Variants in ROBO1 observed in about 807,000 individuals in gnomAD.
The protein encoded by ROBO1 is roundabout guidance receptor 1.
Under a neutral mutation model 195.9 loss-of-function variants are expected in ROBO1, and 149 were observed. That is an observed-to-expected ratio of 0.76 (90% CI 0.67 to 0.87). The LOEUF (loss-of-function observed/expected upper bound fraction) is 0.87. Ranked by LOEUF, ROBO1 falls within the 40% of genes least tolerant of loss-of-function variation. The pLI is 0.00. For missense variants in ROBO1, 1,933 were observed against 2,068.3 expected, an observed-to-expected ratio of 0.93 and a Z score of 1.27; for synonymous variants, 816 against 733.2, an observed-to-expected ratio of 1.11 and a Z score of -1.82.
intron 1 of ROBO1, among the ~76,000 whole-genome samples, chr3:79,592,051 G>A (rs1944014278): frequency 6.6e-6 from 1 of 151,912 alleles, no homozygotes; most frequent in Non-Finnish European, 1.5e-5. Flanking sequence ...AATTTAGAAG[G>A]ATTATATTTG....
intron 3 of ROBO1, among the ~76,000 whole-genome samples, chr3:79,050,675 C>G (rs2078679534): frequency 6.6e-6 from 1 of 152,146 alleles, no homozygotes; most frequent in Non-Finnish European, 1.5e-5. Context: ...CACTCCTCAG[C>G]AATTGTAAAA....
In ROBO1 at chr3:79,272,287, T is replaced by C. The variant is rs545236231; in HGVS notation, c.89-146748A>G. On this transcript the variant is annotated intron_variant, in intron 2 of 30. Coordinates refer to ENST00000464233, the MANE Select transcript of ROBO1 (RefSeq NM_002941.4). ...GGAAGTAATGAGTATAGTTCTATTATTACTTAAAGATTAGGCATAATATGC... is the reference window on the plus strand; with the variant it reads ...GGAAGTAATGAGTATAGTTCTATTACTACTTAAAGATTAGGCATAATATGC... Among the ~76,000 whole-genome samples the C allele has an allele frequency of 2.0e-5, 3 of 152,114 alleles. No homozygotes were observed. In the East Asian group the frequency reaches 5.8e-4, roughly 29 times the overall value.
At chr3:78,729,392 T>G (rs1049824419) in intron 5 of ROBO1, among the ~76,000 whole-genome samples, 6 of 152,194 alleles carry the variant, frequency 3.9e-5, no homozygotes, top group Non-Finnish European at 8.8e-5. Flanking sequence ...CTAATTTTAA[T>G]AAGTAATAAT....
intron 1 of ROBO1, among the ~76,000 whole-genome samples, chr3:79,744,856 T>C (rs948506514): frequency 1.7e-4 from 26 of 152,220 alleles, no homozygotes; most frequent in African/African-American, 5.8e-4. Context: ...TATGAAGTGA[T>C]GAATGATAAA....
chr3:79,489,303 C>A (rs1306693688), intron 2 of ROBO1, among the ~76,000 whole-genome samples: 4 of 152,068 alleles, frequency 2.6e-5, no homozygotes, highest in Non-Finnish European at 1.5e-5. Flanking sequence ...ATGAAAAGTT[C>A]AAACACATGT....
At chr3:79,764,341 GATAA>G (rs1704870208) in intron 1 of ROBO1, among the ~76,000 whole-genome samples, 1 of 152,228 alleles carries the variant, frequency 6.6e-6, no homozygotes, top group Non-Finnish European at 1.5e-5. Context: ...AGTTTAGAGA[GATAA>G]ATGATTATGT....
intron 3 of ROBO1, among the ~76,000 whole-genome samples, chr3:78,971,379 G>A (rs2076762628): frequency 6.6e-6 from 1 of 152,064 alleles, no homozygotes; most frequent in Non-Finnish European, 1.5e-5. Flanking sequence ...GGGTGTCCTA[G>A]CAAGACCCTG....
At chr3:78,729,897 A>G (rs2082248817) in intron 5 of ROBO1, among the ~76,000 whole-genome samples, 2 of 152,316 alleles carry the variant, frequency 1.3e-5, no homozygotes, top group South Asian at 4.1e-4. Context: ...CACAGGTCTC[A>G]TGAAACAGTG....
chr3:79,148,166 AG>A (rs1159680327), intron 2 of ROBO1, among the ~76,000 whole-genome samples: 1 of 151,836 alleles, frequency 6.6e-6, no homozygotes, highest in African/African-American at 2.4e-5. Context: ...CATTCCTAGA[AG>A]GCTATCTGTC....
At chr3:79,536,909 TTTCTAATTTTACAGGG>T (rs1941890569) in intron 2 of ROBO1, among the ~76,000 whole-genome samples, 1 of 152,202 alleles carries the variant, frequency 6.6e-6, no homozygotes, top group African/African-American at 2.4e-5. Context: ...AAGAAGACTA[TTTCTAATTTTACAGGG>T]TTGCTATGGG....
chr3:79,602,259 G>A lies in ROBO1; in HGVS notation c.-50-12298C>T, dbSNP rs1944360735. Among the ~76,000 whole-genome samples the A allele has an allele frequency of 2.0e-5, 3 of 151,974 alleles. No individual in the cohort carries two copies. In the South Asian group the frequency reaches 6.2e-4, roughly 31 times the overall value. On this transcript the variant is annotated intron_variant, in intron 1 of 30. Transcript: ENST00000464233. ...GAGAGACATTAATGAAATAACAGAA[G>A]AGAAGGTCAAAAGTAATTTTCATAT...
At chr3:78,673,081 A>T (rs1379686970) in intron 10 of ROBO1, among the ~76,000 whole-genome samples, 1 of 152,116 alleles carries the variant, frequency 6.6e-6, no homozygotes, top group East Asian at 1.9e-4. Context: ...TTTAAATTCA[A>T]ATTTAAATAG....
intron 2 of ROBO1, among the ~76,000 whole-genome samples, chr3:79,352,815 G>A (rs1039278976): frequency 1.3e-5 from 2 of 152,082 alleles, no homozygotes; most frequent in Admixed American, 1.3e-4. Flanking sequence ...ACTTACTATT[G>A]TATACATTAA....
chr3:79,038,838 T>C (rs1361858239), intron 3 of ROBO1, among the ~76,000 whole-genome samples: 1 of 152,156 alleles, frequency 6.6e-6, no homozygotes, highest in Non-Finnish European at 1.5e-5. Context: ...CTCCAGACTG[T>C]AGCATTTCCT....
intron 28 of ROBO1, among the ~76,000 whole-genome samples, chr3:78,608,287 G>A (rs1703587523): frequency 6.6e-6 from 1 of 151,802 alleles, no homozygotes; most frequent in Admixed American, 6.6e-5. Context: ...TGTAGTTTTT[G>A]TAGAGACAGG....
At chr3:78,774,485 T>C (rs1223654010) in intron 4 of ROBO1, among the ~76,000 whole-genome samples, 1 of 152,072 alleles carries the variant, frequency 6.6e-6, no homozygotes. Flanking sequence ...TAATTTTTTG[T>C]ATTTTTAGTA....
rs185156279 is a variant in ROBO1 at position 79,444,978 on chromosome 3, T to A, written c.88+144846A>T. On this transcript the variant is annotated intron_variant, in intron 2 of 30. Coordinates refer to ENST00000464233, the MANE Select transcript of ROBO1 (RefSeq NM_002941.4). ...AGTGATGAGATTAAGATGGCAGGGA[T>A]GAATGAAGAAGATGTTATCCAAGAA... is the stretch of plus-strand genomic sequence containing the variant. 3.2e-3 allele frequency among the ~76,000 whole-genome samples: 486 copies of A among 151,946 alleles called. 3 individuals carry two copies. Among genetic ancestry groups the A allele is most frequent in the Middle Eastern group, 0.017 (5 of 294 alleles).
At chr3:78,918,919 CAT>C (rs1455692200) in intron 4 of ROBO1, among the ~76,000 whole-genome samples, 2 of 152,154 alleles carry the variant, frequency 1.3e-5, no homozygotes, top group Admixed American at 6.5e-5. Context: ...TTCTTCAACA[CAT>C]GTTTCTGCAA....
Position 78,659,645 on chromosome 3 carries a change from GC to G in ROBO1, c.2442+40del, listed in dbSNP as rs757286520. On this transcript the variant is annotated intron_variant, in intron 17 of 30. Coordinates refer to ENST00000464233, the MANE Select transcript of ROBO1 (RefSeq NM_002941.4). ...TTTTTCTTTATGAATGGTGGGGGCT[GC>G]CCATCAGGACATTAATATATATATA... is the stretch of plus-strand genomic sequence containing the variant. 2.0e-5 allele frequency: 26 copies of G among 1,319,810 alleles called. No homozygotes were observed. In the African/African-American group the frequency reaches 4.0e-4, roughly 20 times the overall value. The allele number at this position is 1,319,810 out of a possible 1,614,324, so 81.8% of individuals were successfully genotyped here. A position where few individuals can be genotyped will look rare whatever the true frequency, so the allele number is the denominator to read the frequency against.
Sources: gnomAD v4.1 joint callset for allele counts (sites outside exome capture counted in the v4.1 genomes callset) on GRCh38, gnomAD v4.1.1 for gene constraint, MANE v1.5 for transcripts, NCBI Gene and HGNC (gene_info 2026-07-23, HGNC 2026-07-21) for gene names.